CREM: variants seen among roughly 807,000 people sequenced by gnomAD.
CREM encodes cAMP responsive element modulator.
A neutral mutation model predicts 37.3 loss-of-function variants in CREM; 13 were observed. That is an observed-to-expected ratio of 0.35 (90% CI 0.23 to 0.55). The LOEUF is 0.55. Among genes scored for constraint, CREM ranks in the 20% least tolerant of loss-of-function variants. CREM has a pLI of 0.88. For missense variants in CREM, 296 were observed against 362.3 expected (o/e 0.82, Z 1.49); for synonymous variants, 124 against 120.2 (o/e 1.03, Z -0.21).
chr10:35,187,013 TATATAATATATATCAC>T (rs1222281271), intron 5 of CREM, among the ~76,000 whole-genome samples: 5 of 84,324 alleles, frequency 5.9e-5, no homozygotes, highest in South Asian at 6.3e-4. Context: ...TATAATATAA[TATATAATATATATCAC>T]ATATAATATA....
chr10:35,144,256 G>T (rs578053631), intron 2 of CREM, among the ~76,000 whole-genome samples: 7 of 152,136 alleles, frequency 4.6e-5, no homozygotes, highest in Non-Finnish European at 8.8e-5. Context: ...TCTCCCTAAG[G>T]CTCAACGCCT....
chr10:35,168,950 G>A (rs1416134798), intron 3 of CREM, among the ~76,000 whole-genome samples: 3 of 152,070 alleles, frequency 2.0e-5, no homozygotes, highest in Non-Finnish European at 2.9e-5. Context: ...CTGTTCCATC[G>A]GTCTGTATCT....
At chr10:35,191,147 C>A (rs527569225) in intron 6 of CREM, among the ~76,000 whole-genome samples, 1 of 142,270 alleles carries the variant, frequency 7.0e-6, no homozygotes, top group South Asian at 2.3e-4. Context: ...CATTTTTCTT[C>A]ACGGAGATCT....
At chr10:35,131,870 A>G (rs1045971980) in intron 1 of CREM, among the ~76,000 whole-genome samples, 1 of 152,158 alleles carries the variant, frequency 6.6e-6, no homozygotes, top group Admixed American at 6.5e-5. Context: ...AAACAAAACA[A>G]CCTTACAGTG....
chr10:35,188,138 A>G, intron 5 of CREM, 62 bp from the exon 6 acceptor site: 2 of 1,466,672 alleles, frequency 1.4e-6, no homozygotes, highest in South Asian at 1.3e-5. Context: ...TATTCTTCCA[A>G]TAGGGGATTA....
chr10:35,140,527 T>C (rs1313087747), intron 2 of CREM, among the ~76,000 whole-genome samples: 1 of 152,192 alleles, frequency 6.6e-6, no homozygotes, highest in African/African-American at 2.4e-5. Flanking sequence ...ATTGATTAAT[T>C]GGTTTATTTA....
At chr10:35,208,755 A>G (rs1333861762) in intron 7 of CREM, among the ~76,000 whole-genome samples, 1 of 152,218 alleles carries the variant, frequency 6.6e-6, no homozygotes, top group Non-Finnish European at 1.5e-5. Context: ...TTCCTGGAAG[A>G]TCCTCCCAGC....
At chr10:35,155,674 G>A (rs2092855977) in intron 3 of CREM, among the ~76,000 whole-genome samples, 1 of 150,984 alleles carries the variant, frequency 6.6e-6, no homozygotes, top group Admixed American at 6.6e-5. Context: ...TGTCACCTAG[G>A]CTGGAGTGCA....
intron 1 of CREM, among the ~76,000 whole-genome samples, chr10:35,129,661 A>G (rs559943691): frequency 6.6e-6 from 1 of 152,350 alleles, no homozygotes; most frequent in South Asian, 2.1e-4. Flanking sequence ...AATAAAACTG[A>G]ACAGTGCAAA....
chr10:35,195,488 C>T (rs949522902), intron 6 of CREM, among the ~76,000 whole-genome samples: 3 of 151,908 alleles, frequency 2.0e-5, no homozygotes, highest in African/African-American at 7.3e-5. Flanking sequence ...CCACTCTTCC[C>T]CTCCTCTTCT....
At chr10:35,149,912 A>ACACG (rs2092456602) in intron 3 of CREM, among the ~76,000 whole-genome samples, 1 of 150,530 alleles carries the variant, frequency 6.6e-6, no homozygotes, top group Non-Finnish European at 1.5e-5. Context: ...ACACACACAC[A>ACACG]CACACACACA....
At chr10:35,198,555 A>G (rs1303205607) in intron 6 of CREM, among the ~76,000 whole-genome samples, 1 of 151,428 alleles carries the variant, frequency 6.6e-6, no homozygotes, top group Non-Finnish European at 1.5e-5. Flanking sequence ...ACTATAGTTT[A>G]TGGGATTATA....
rs1254911149 is a variant in CREM at position 35,212,889 on chromosome 10, A to G, written c.*1491A>G. On this transcript the variant is annotated 3_prime_UTR_variant, in exon 8 of 8. Transcript: ENST00000685392. ...GAGGTTCATTACAATCGAGACTGCA[A>G]TGTGATCTATGTTTCATCTTGTTTT... 3.3e-5 allele frequency: 5 copies of G among 152,772 alleles called. No individual in the cohort carries two copies. Among genetic ancestry groups the G allele is most frequent in the Admixed American group, 3.3e-4 (5 of 15,282 alleles). 9.5% of individuals were successfully genotyped at this position (152,772 alleles called of 1,614,324 possible).
At chr10:35,163,916 C>T (rs1265631830) in intron 3 of CREM, among the ~76,000 whole-genome samples, 1 of 151,072 alleles carries the variant, frequency 6.6e-6, no homozygotes, top group Admixed American at 6.6e-5. Context: ...GTGGGAGGAT[C>T]GCTTGAGCCT....
chr10:35,192,544 A>AC (rs1564940877), intron 6 of CREM, among the ~76,000 whole-genome samples: 1 of 151,884 alleles, frequency 6.6e-6, no homozygotes, highest in Non-Finnish European at 1.5e-5. Context: ...AGACGGGGTT[A>AC]CACCATGTTG....
At chr10:35,134,228 C>G (rs922277463) in intron 1 of CREM, among the ~76,000 whole-genome samples, 1 of 151,084 alleles carries the variant, frequency 6.6e-6, no homozygotes, top group South Asian at 2.1e-4. Flanking sequence ...GTAATTTTTT[C>G]TTTTTTAAAT....
intron 3 of CREM, among the ~76,000 whole-genome samples, chr10:35,161,246 C>T (rs958643723): frequency 6.6e-6 from 1 of 151,866 alleles, no homozygotes; most frequent in African/African-American, 2.4e-5. Flanking sequence ...AAGCTATTCG[C>T]GTGCCTCAGC....
rs932258137 is a variant in CREM at position 35,179,431 on chromosome 10, T to C, written c.409+155T>C. On this transcript the variant is annotated intron_variant, in intron 5 of 7. Transcript: ENST00000685392. Reference sequence around the variant, plus strand: ...TAGAATGAAAGTATATGTTAAAAAGTGAGATCTTTGTATTGACAGCTGTCA... The same window carrying C: ...TAGAATGAAAGTATATGTTAAAAAGCGAGATCTTTGTATTGACAGCTGTCA... The C allele has an allele frequency of 1.9e-5, 17 of 875,340 alleles. No homozygotes were observed. The South Asian group carries it at 7.0e-4, about 36-fold the overall frequency. The allele number at this position is 875,340 out of a possible 1,614,324, so 54.2% of individuals were successfully genotyped here.
chr10:35,145,652 G>A (rs557188850), intron 2 of CREM, among the ~76,000 whole-genome samples: 3 of 151,894 alleles, frequency 2.0e-5, no homozygotes, highest in African/African-American at 4.8e-5. Flanking sequence ...GGGGGCATGC[G>A]TCAGTAATCC....
Sources: allele counts gnomAD v4.1 joint callset (sites outside exome capture counted in the v4.1 genomes callset), GRCh38; gene constraint gnomAD v4.1.1; transcripts MANE v1.5; gene names NCBI Gene and HGNC (gene_info 2026-07-23, HGNC 2026-07-21).